SH3BGRL: variants seen among roughly 807,000 people sequenced by gnomAD.
SH3BGRL encodes the protein SH3 domain binding glutamate rich protein like, also known as adapter SH3BGRL.
Under a neutral mutation model 9.8 loss-of-function variants are expected in SH3BGRL, and 7 were observed. The ratio of observed to expected loss-of-function variants is 0.72; its 90% CI spans 0.41 to 1.35. The LOEUF (loss-of-function observed/expected upper bound fraction) is 1.35. SH3BGRL is among the 40% of genes most tolerant of loss of function. The pLI, the probability that SH3BGRL is intolerant of heterozygous loss-of-function variation, is 0.01. For missense variants in SH3BGRL, 73 were observed against 84.4 expected, an observed-to-expected ratio of 0.86 and a Z score of 0.53; for synonymous variants, 36 against 29.1, an observed-to-expected ratio of 1.24 and a Z score of -0.76.
chrX:81,216,416 C>T (rs1170814052), intron 1 of SH3BGRL, among the ~76,000 whole-genome samples: 3 of 111,377 alleles, frequency 2.7e-5, no homozygotes, highest in African/African-American at 9.8e-5. Flanking sequence ...TGAACCCAAG[C>T]ATCTATCTTT....
intron 1 of SH3BGRL, among the ~76,000 whole-genome samples, chrX:81,206,527 G>A (rs1162401379): frequency 2.7e-5 from 3 of 111,645 alleles, no homozygotes; most frequent in African/African-American, 9.8e-5. Context: ...TGAATCCAAA[G>A]AATATGTACT....
intron 1 of SH3BGRL, among the ~76,000 whole-genome samples, chrX:81,238,319 C>T (rs1348212293): frequency 8.9e-6 from 1 of 111,957 alleles, no homozygotes; most frequent in Non-Finnish European, 1.9e-5. Flanking sequence ...GACTTACGGG[C>T]CCTTGGGCCT....
rs761103977 is a variant in SH3BGRL at position 81,225,053 on chromosome X, C to T, written c.45+22808C>T. ...AAAGATGGCTTTCTCATAAAAACTC[C>T]GGACAAATAGAGACTATATTTCACT... is the stretch of plus-strand genomic sequence containing the variant. On this transcript the variant is annotated intron_variant, in intron 1 of 3. Coordinates refer to ENST00000373212, the MANE Select transcript of SH3BGRL (RefSeq NM_003022.3). Among the ~76,000 whole-genome samples the T allele has an allele frequency of 9.0e-5, 10 of 110,827 alleles. No individual in the cohort carries two copies. The South Asian group carries it at 1.9e-3, about 21-fold the overall frequency.
chrX:81,221,889 G>A (rs2075601010), intron 1 of SH3BGRL, among the ~76,000 whole-genome samples: 1 of 111,959 alleles, frequency 8.9e-6, no homozygotes, highest in South Asian at 3.7e-4. Flanking sequence ...CTTTTAGTCT[G>A]TTCCACCTTT....
intron 3 of SH3BGRL, among the ~76,000 whole-genome samples, chrX:81,280,703 G>A (rs1309477775): frequency 9.0e-6 from 1 of 111,644 alleles, no homozygotes; most frequent in African/African-American, 3.3e-5. Context: ...CTCTGACAGA[G>A]CCTACCCAAG....
chrX:81,220,271 ACT>A (rs1185503353), intron 1 of SH3BGRL, among the ~76,000 whole-genome samples: 2 of 110,507 alleles, frequency 1.8e-5, no homozygotes, highest in Non-Finnish European at 1.9e-5. Flanking sequence ...TTGCTGGAAG[ACT>A]CTGTTGCAGC....
Position 81,236,879 on chromosome X carries a change from G to T in SH3BGRL, c.45+34634G>T, listed in dbSNP as rs547117493. The stretch of plus-strand genomic sequence containing the variant: ...GTTGTGTGTGTGTGAGGGAAGGACG[G>T]AGGGAGAGAGAGAGGCTGAGGGAGA... On this transcript the variant is annotated intron_variant, in intron 1 of 3. Coordinates refer to ENST00000373212, the MANE Select transcript of SH3BGRL (RefSeq NM_003022.3). 5.1e-4 allele frequency among the ~76,000 whole-genome samples: 53 copies of T among 103,149 alleles called. 1 individual carries two copies. The South Asian group carries it at 0.026, about 50-fold the overall frequency. The allele number at this position is 103,149 out of a possible 115,157, so 89.6% of individuals were successfully genotyped here. A position where few individuals can be genotyped will look rare whatever the true frequency, so the allele number is the denominator to read the frequency against.
Position 81,212,334 on chromosome X carries a change from G to T in SH3BGRL, c.45+10089G>T, listed in dbSNP as rs778242988. Among the ~76,000 whole-genome samples the T allele has an allele frequency of 2.5e-3, 278 of 111,794 alleles. 1 individual carries two copies. Among genetic ancestry groups the T allele is most frequent in the African/African-American group, 8.6e-3 (265 of 30,780 alleles). On this transcript the variant is annotated intron_variant, in intron 1 of 3. Transcript: ENST00000373212. ...GTTGTTGGTGGTGATGAGACAATTT[G>T]CCAGGTAACAAGACAAACACCTGGT...
intron 1 of SH3BGRL, among the ~76,000 whole-genome samples, chrX:81,268,052 G>A (rs1269244360): frequency 9.0e-6 from 1 of 111,603 alleles, no homozygotes; most frequent in African/African-American, 3.3e-5. Context: ...CTGTGGGATT[G>A]GTGGTAAATC....
chrX:81,286,075 G>T lies in SH3BGRL; in HGVS notation c.312+7664G>T, dbSNP rs772073044. 5.2e-4 allele frequency among the ~76,000 whole-genome samples: 58 copies of T among 111,106 alleles called. 1 individual carries two copies. Among genetic ancestry groups the T allele is most frequent in the Admixed American group, 1.5e-3 (16 of 10,424 alleles). ...TAATTGTTGTATTCTTTTTTATATTGGATTGTTTAAAACAAGGTATGTATT... is the reference window on the plus strand; with the variant it reads ...TAATTGTTGTATTCTTTTTTATATTTGATTGTTTAAAACAAGGTATGTATT... On this transcript the variant is annotated intron_variant, in intron 3 of 3. Transcript: ENST00000373212.
At chrX:81,295,642 A>G (rs746393223) in intron 3 of SH3BGRL, among the ~76,000 whole-genome samples, 6 of 111,340 alleles carry the variant, frequency 5.4e-5, no homozygotes, top group Non-Finnish European at 9.4e-5. Context: ...CTTGCCCTAA[A>G]CCATCTCTCT....
intron 1 of SH3BGRL, among the ~76,000 whole-genome samples, chrX:81,210,836 T>G (rs2075560806): frequency 8.9e-6 from 1 of 112,393 alleles, no homozygotes; most frequent in South Asian, 3.7e-4. Flanking sequence ...ATACGTGGTC[T>G]ATAGAAATAC....
intron 1 of SH3BGRL, among the ~76,000 whole-genome samples, chrX:81,257,214 A>G (rs1464989175): frequency 9.0e-6 from 1 of 111,648 alleles, no homozygotes; most frequent in Non-Finnish European, 1.9e-5. Context: ...TTTTCTGTGC[A>G]ACGATTCTGA....
intron 1 of SH3BGRL, among the ~76,000 whole-genome samples, chrX:81,240,180 G>A (rs976048950): frequency 1.8e-5 from 2 of 111,993 alleles, no homozygotes; most frequent in African/African-American, 6.5e-5. Flanking sequence ...AGAACTAAAC[G>A]ATAAACCAAT....
rs2075878076 is a variant in SH3BGRL, at chrX:81,297,177, G to T, written c.313-18G>T. On this transcript the variant is annotated intron_variant, in intron 3 of 3. Coordinates refer to ENST00000373212, the MANE Select transcript of SH3BGRL (RefSeq NM_003022.3). ...TGTGATGTTTAAACTTATCTGTTTT[G>T]TTTGTTTTTCATTTCAGGAAGCAGA... 1 of 1,203,198 alleles carries T rather than the reference G, an allele frequency of 8.3e-7. No homozygotes were observed. Among genetic ancestry groups the T allele is most frequent in the East Asian group, 3.0e-5 (1 of 33,676 alleles).
chrX:81,252,905 C>A (rs1256518969), intron 1 of SH3BGRL, among the ~76,000 whole-genome samples: 4 of 109,767 alleles, frequency 3.6e-5, no homozygotes, highest in Non-Finnish European at 5.7e-5. Flanking sequence ...TTAAAACAAA[C>A]AAGAGAAAAA....
rs757424631 is a variant in SH3BGRL, at chrX:81,209,359, A to T, written c.45+7114A>T. Among the ~76,000 whole-genome samples the T allele has an allele frequency of 5.4e-5, 6 of 111,935 alleles. No individual in the cohort carries two copies. In the South Asian group the frequency reaches 2.3e-3, roughly 42 times the overall value. ...AAGACAACACTTATTTATGCATTGTATATGTCAGGCAAGGTGCCCAGGGCT... is the reference window on the plus strand; with the variant it reads ...AAGACAACACTTATTTATGCATTGTTTATGTCAGGCAAGGTGCCCAGGGCT... On this transcript the variant is annotated intron_variant, in intron 1 of 3. Coordinates refer to ENST00000373212, the MANE Select transcript of SH3BGRL (RefSeq NM_003022.3).
intron 1 of SH3BGRL, among the ~76,000 whole-genome samples, chrX:81,203,924 G>A (rs993766045): frequency 9.2e-6 from 1 of 108,894 alleles, no homozygotes; most frequent in African/African-American, 3.4e-5. Flanking sequence ...GATTCAGAGG[G>A]TACATGTGCA....
intron 2 of SH3BGRL, 85 bp downstream of exon 2, chrX:81,277,254 A>G (rs1450559609): frequency 1.0e-5 from 8 of 779,090 alleles, no homozygotes; most frequent in Non-Finnish European, 1.5e-5. Flanking sequence ...CCAAGCCTGC[A>G]TATATATAGT....
Sources: gnomAD v4.1 joint callset for allele counts (sites outside exome capture counted in the v4.1 genomes callset) on GRCh38, gnomAD v4.1.1 for gene constraint, MANE v1.5 for transcripts, NCBI Gene and HGNC (gene_info 2026-07-23, HGNC 2026-07-21) for gene names.